CARMIL1: variants seen among roughly 807,000 people sequenced by gnomAD.
The protein encoded by CARMIL1 is capping protein regulator and myosin 1 linker 1, also known as F-actin-uncapping protein LRRC16A.
Under a neutral mutation model 177.1 loss-of-function variants are expected in CARMIL1, and 90 were observed. The ratio of observed to expected loss-of-function variants is 0.51; its 90% CI spans 0.43 to 0.61. CARMIL1 has a LOEUF of 0.61. Among genes scored for constraint, CARMIL1 ranks in the 20% least tolerant of loss-of-function variants. CARMIL1 has a pLI of 0.00. For synonymous variants in CARMIL1, 577 were observed against 606.2 expected, an observed-to-expected ratio of 0.95 and a Z score of 0.71; for missense variants, 1,380 against 1,667.0, an observed-to-expected ratio of 0.83 and a Z score of 3.00.
At chr6:25,447,547 A>G (rs1451549777) in intron 5 of CARMIL1, among the ~76,000 whole-genome samples, 1 of 152,174 alleles carries the variant, frequency 6.6e-6, no homozygotes, top group East Asian at 1.9e-4. Flanking sequence ...ACAAGTTAAT[A>G]TATTTATTTC....
At chr6:25,334,815 G>A (rs1413452073) in intron 2 of CARMIL1, among the ~76,000 whole-genome samples, 1 of 152,154 alleles carries the variant, frequency 6.6e-6, no homozygotes, top group Non-Finnish European at 1.5e-5. Flanking sequence ...AGATCTAAGG[G>A]ATGCAATTTG....
chr6:25,524,901 A>G (rs1276466068), intron 23 of CARMIL1, among the ~76,000 whole-genome samples: 1 of 152,172 alleles, frequency 6.6e-6, no homozygotes, highest in Non-Finnish European at 1.5e-5. Context: ...ATTGAACTCT[A>G]AGATTCTTCA....
At chr6:25,538,013 C>CTGTG (rs1384308317) in intron 25 of CARMIL1, 30 bp downstream of exon 25, 1 of 1,565,154 alleles carries the variant, frequency 6.4e-7, no homozygotes, top group East Asian at 2.3e-5. Context: ...GTGTGAGAGT[C>CTGTG]TGGTATAATA....
At chr6:25,404,352 G>C (rs1255144593) in intron 2 of CARMIL1, among the ~76,000 whole-genome samples, 1 of 152,242 alleles carries the variant, frequency 6.6e-6, no homozygotes, top group Non-Finnish European at 1.5e-5. Context: ...GGGATCTTAT[G>C]GGTTTTGCAG....
chr6:25,404,483 G>A (rs369656849), intron 2 of CARMIL1, among the ~76,000 whole-genome samples: 4 of 152,168 alleles, frequency 2.6e-5, no homozygotes, highest in South Asian at 2.1e-4. Context: ...GAGGCTGGGC[G>A]CGGTGGCTCA....
intron 3 of CARMIL1, among the ~76,000 whole-genome samples, chr6:25,421,588 G>A (rs559113731): frequency 1.8e-4 from 27 of 151,782 alleles, no homozygotes; most frequent in East Asian, 1.2e-3. Context: ...TGTTTATTGC[G>A]GCACTATTCA....
At chr6:25,325,739 A>AG (rs1460014215) in intron 2 of CARMIL1, among the ~76,000 whole-genome samples, 3 of 152,224 alleles carry the variant, frequency 2.0e-5, no homozygotes, top group Non-Finnish European at 4.4e-5. Flanking sequence ...TGGCTTGATT[A>AG]GTCTTGCTAG....
chr6:25,356,073 C>T (rs1267552861), intron 2 of CARMIL1, among the ~76,000 whole-genome samples: 3 of 138,568 alleles, frequency 2.2e-5, no homozygotes, highest in South Asian at 4.5e-4. Context: ...TTTTTTGAGA[C>T]GGAGTTTCGC....
At position 25,326,017 on chromosome 6, in the gene CARMIL1, G is replaced by C. The variant is rs1243758891; in HGVS notation, c.138+41108G>C. On this transcript the variant is annotated intron_variant, in intron 2 of 36. Coordinates refer to ENST00000329474, the MANE Select transcript of CARMIL1 (RefSeq NM_017640.6). This position sits in a 1 kb window ranked among gnomAD's most constrained non-coding sequence, Gnocchi z 4.2. ...CCCTAGCAGTTGGGACTACAGGCGC[G>C]CACCAGCTCGCCCGGCTAATTTTTT... Among the ~76,000 whole-genome samples the C allele has an allele frequency of 6.6e-6, 1 of 152,138 alleles. No homozygotes were observed. Among genetic ancestry groups the C allele is most frequent in the East Asian group, 1.9e-4 (1 of 5,178 alleles).
chr6:25,321,467 T>C (rs1784666139), intron 2 of CARMIL1, among the ~76,000 whole-genome samples: 1 of 152,096 alleles, frequency 6.6e-6, no homozygotes, highest in Non-Finnish European at 1.5e-5. Flanking sequence ...GGTGAATGCA[T>C]ACTGTTATTA....
At chr6:25,523,951 C>A (rs1197025036) in intron 23 of CARMIL1, among the ~76,000 whole-genome samples, 1 of 152,172 alleles carries the variant, frequency 6.6e-6, no homozygotes, top group Non-Finnish European at 1.5e-5. Context: ...AACCCCCACC[C>A]TTTCATGGGT....
intron 2 of CARMIL1, among the ~76,000 whole-genome samples, chr6:25,294,976 G>A (rs1782276308): frequency 6.6e-6 from 1 of 152,160 alleles, no homozygotes; most frequent in African/African-American, 2.4e-5. Context: ...TCCAGGCAGG[G>A]TGGGGAACAT....
In CARMIL1 at chr6:25,570,326, A is replaced by T. The variant is rs556562109; in HGVS notation, c.2743-10598A>T. On this transcript the variant is annotated intron_variant, in intron 29 of 36. Transcript: ENST00000329474. ...TATATACCTGATCTTGTAGTAATAA[A>T]CATCATGCTTCTGTGCCCAACAGGA... Among the ~76,000 whole-genome samples the T allele has an allele frequency of 9.8e-5, 15 of 152,324 alleles. No homozygotes were observed. In the South Asian group the frequency reaches 2.7e-3, roughly 27 times the overall value.
chr6:25,450,970 TCTTCTCCTCTCCCCCTCCCCTCTCC>T (rs1193940520), intron 8 of CARMIL1, among the ~76,000 whole-genome samples: 1 of 4,546 alleles, frequency 2.2e-4, no homozygotes, highest in African/African-American at 5.2e-4. Flanking sequence ...TCCTCTCTTC[TCTTCTCCTCTCCCCCTCCCCTCTCC>T]CCTCTCCCCT....
At chr6:25,404,804 G>A (rs1185581816) in intron 2 of CARMIL1, among the ~76,000 whole-genome samples, 1 of 151,684 alleles carries the variant, frequency 6.6e-6, no homozygotes, top group Non-Finnish European at 1.5e-5. Flanking sequence ...TTCACACTAG[G>A]AAGTGGTTAA....
intron 2 of CARMIL1, among the ~76,000 whole-genome samples, chr6:25,356,693 T>TG (rs1788659013): frequency 6.6e-6 from 1 of 152,220 alleles, no homozygotes; most frequent in Non-Finnish European, 1.5e-5. Context: ...GTTCTTATCT[T>TG]GGGGAGCTAC....
At chr6:25,341,900 T>G (rs548934125) in intron 2 of CARMIL1, among the ~76,000 whole-genome samples, 1 of 152,304 alleles carries the variant, frequency 6.6e-6, no homozygotes, top group East Asian at 1.9e-4. Context: ...TGAGGAAGCA[T>G]GGAGAACAGA....
At chr6:25,458,181 C>G (rs1163464484) in intron 8 of CARMIL1, among the ~76,000 whole-genome samples, 1 of 152,118 alleles carries the variant, frequency 6.6e-6, no homozygotes. Context: ...GATCTAGACT[C>G]TCAATCCCTT....
At chr6:25,595,051 G>C (rs772615946) in intron 32 of CARMIL1, among the ~76,000 whole-genome samples, 16 of 152,166 alleles carry the variant, frequency 1.1e-4, no homozygotes, top group Admixed American at 1.0e-3. Flanking sequence ...AATTAGCAGA[G>C]AGCCCTCAGA....
Sources: gnomAD v4.1 joint callset for allele counts (sites outside exome capture counted in the v4.1 genomes callset) on GRCh38, gnomAD v4.1.1 for gene constraint, Gnocchi (gnomAD v3.1) non-coding constraint, MANE v1.5 for transcripts, NCBI Gene and HGNC (gene_info 2026-07-23, HGNC 2026-07-21) for gene names.